CATSPERE: variants seen among roughly 807,000 people sequenced by gnomAD.
The protein encoded by CATSPERE is cation channel sperm-associated auxiliary subunit epsilon.
In CATSPERE, 93 loss-of-function variants were observed where a neutral mutation model predicts 114.1. That is an observed-to-expected ratio of 0.81 (90% CI 0.69 to 0.97). The LOEUF (loss-of-function observed/expected upper bound fraction) is 0.97. CATSPERE is among the 50% of genes least tolerant of loss of function. The probability of loss-of-function intolerance (pLI) is 0.00; values close to 1 mark genes in which losing one functional copy is unlikely to be tolerated. For synonymous variants in CATSPERE, 341 were observed against 384.1 expected, an observed-to-expected ratio of 0.89 and a Z score of 1.31; for missense variants, 1,058 against 1,131.6, an observed-to-expected ratio of 0.93 and a Z score of 0.93.
At chr1:244,510,792 A>G (rs1393318637) in intron 7 of CATSPERE, among the ~76,000 whole-genome samples, 3 of 132,944 alleles carry the variant, frequency 2.3e-5, no homozygotes, top group African/African-American at 8.3e-5. Flanking sequence ...GGGTGTGTTG[A>G]GTGCATATAA....
intron 8 of CATSPERE, among the ~76,000 whole-genome samples, chr1:244,522,692 G>A (rs1677795883): frequency 1.3e-5 from 2 of 152,136 alleles, no homozygotes; most frequent in Non-Finnish European, 2.9e-5. Flanking sequence ...TACCATCAGA[G>A]AATACTACAA....
At chr1:244,539,948 G>T (rs201173796) in intron 8 of CATSPERE, among the ~76,000 whole-genome samples, 1 of 113,680 alleles carries the variant, frequency 8.8e-6, no homozygotes, top group Non-Finnish European at 2.0e-5. Context: ...TAATTTTTTT[G>T]AATGGTTTTT....
intron 17 of CATSPERE, among the ~76,000 whole-genome samples, chr1:244,600,355 T>C (rs1473698488): frequency 1.2e-5 from 1 of 82,806 alleles, no homozygotes; most frequent in Admixed American, 1.6e-4. Context: ...AGCTACCTAG[T>C]CCAAAAAAAA....
intron 5 of CATSPERE, among the ~76,000 whole-genome samples, chr1:244,482,516 C>T (rs900489929): frequency 7.3e-5 from 11 of 151,628 alleles, no homozygotes; most frequent in Admixed American, 1.3e-4. Flanking sequence ...GTAGGAGGTT[C>T]GCTTGAGCCC....
In CATSPERE at chr1:244,575,857, G is replaced by A. The variant is rs186878830; in HGVS notation, c.1950+3085G>A. Among the ~76,000 whole-genome samples the A allele has an allele frequency of 5.6e-4, 85 of 151,832 alleles. 1 individual carries two copies. In the East Asian group the frequency reaches 0.013, roughly 23 times the overall value. ...ATTTTTCCTATTGCTGGAGGATTGT[G>A]TGAGGTTCAGTCTCTCCCTAATGGG... is the stretch of plus-strand genomic sequence containing the variant. On this transcript the variant is annotated intron_variant, in intron 11 of 21. Transcript: ENST00000366534. This position sits in a 1 kb window ranked among gnomAD's most constrained non-coding sequence, Gnocchi z 4.5.
Position 244,514,034 on chromosome 1 carries a change from A to G in CATSPERE, c.430-4558A>G, listed in dbSNP as rs566878684. On this transcript the variant is annotated intron_variant, in intron 7 of 21. Transcript: ENST00000366534. Reference sequence around the variant, plus strand: ...ATGTGATTTGAAACTATTTTCTTCTATCCTGTGGATTATCTTTTTATTCTG... The same window carrying G: ...ATGTGATTTGAAACTATTTTCTTCTGTCCTGTGGATTATCTTTTTATTCTG... Among the ~76,000 whole-genome samples, 4 of 152,286 alleles carry G rather than the reference A, an allele frequency of 2.6e-5. No homozygotes were observed. The South Asian group carries it at 8.3e-4, about 32-fold the overall frequency.
intron 5 of CATSPERE, among the ~76,000 whole-genome samples, chr1:244,483,726 T>C (rs1288434259): frequency 6.6e-6 from 1 of 152,174 alleles, no homozygotes; most frequent in African/African-American, 2.4e-5. Context: ...TTATCACTTA[T>C]ATATGTATTG....
rs532293640 is a variant in CATSPERE, at chr1:244,480,765, A to C, written c.326+981A>C. Among the ~76,000 whole-genome samples, 5 of 152,282 alleles carry C rather than the reference A, an allele frequency of 3.3e-5. No individual in the cohort carries two copies. The South Asian group carries it at 1.0e-3, about 32-fold the overall frequency. ...GTCCTAATAATACCGAGGTTTCAGC[A>C]AGCCCCACCAGGAGTACACATTAAC... On this transcript the variant is annotated intron_variant, in intron 5 of 21. Transcript: ENST00000366534.
At chr1:244,582,323 T>C (rs1291961180) in intron 12 of CATSPERE, among the ~76,000 whole-genome samples, 1 of 152,136 alleles carries the variant, frequency 6.6e-6, no homozygotes, top group African/African-American at 2.4e-5. Flanking sequence ...GGCATTCCTA[T>C]GGCTATCATT....
chr1:244,609,358 C>CT (rs796211656), intron 18 of CATSPERE, among the ~76,000 whole-genome samples: 217 of 142,546 alleles, frequency 1.5e-3, no homozygotes, highest in South Asian at 1.8e-3. Context: ...TTATCACTTC[C>CT]TTTTTTTTTT....
At chr1:244,554,367 A>G (rs1380898800) in intron 9 of CATSPERE, among the ~76,000 whole-genome samples, 2 of 151,788 alleles carry the variant, frequency 1.3e-5, no homozygotes, top group Admixed American at 1.3e-4. Flanking sequence ...TATTTTTGTC[A>G]TTTTAATAAT....
At chr1:244,474,396 T>TA (rs1328916310) in intron 2 of CATSPERE, among the ~76,000 whole-genome samples, 2 of 152,156 alleles carry the variant, frequency 1.3e-5, no homozygotes, top group Non-Finnish European at 2.9e-5. Context: ...CCATATTTTT[T>TA]AGTCAATGAT....
At chr1:244,566,652 CTTTTTTTTTTTTTTTTTTTTTTTTTTT>C (rs59466928) in intron 10 of CATSPERE, among the ~76,000 whole-genome samples, 2 of 49,064 alleles carry the variant, frequency 4.1e-5, no homozygotes, top group Non-Finnish European at 1.4e-4. Context: ...GCAACCCCTG[CTTTTTTTTTTTTTTTTTTTTTTTTTTT>C]TTTTTTTTGC....
chr1:244,600,095 A>C (rs1668983159), intron 17 of CATSPERE, among the ~76,000 whole-genome samples: 1 of 152,064 alleles, frequency 6.6e-6, no homozygotes, highest in Non-Finnish European at 1.5e-5. Context: ...ACGTGACGGG[A>C]CTCCCTCCCG....
chr1:244,613,991 G>A (rs1038367346), intron 19 of CATSPERE, among the ~76,000 whole-genome samples: 6 of 152,106 alleles, frequency 3.9e-5, no homozygotes, highest in Admixed American at 1.3e-4. Flanking sequence ...CTGAGCTATC[G>A]TGCTCTGCCC....
chr1:244,570,866 C>T (rs1664329958), intron 10 of CATSPERE, among the ~76,000 whole-genome samples: 1 of 152,110 alleles, frequency 6.6e-6, no homozygotes, highest in Non-Finnish European at 1.5e-5. Flanking sequence ...GAGAATACAG[C>T]ATGTGCAAAG....
intron 8 of CATSPERE, among the ~76,000 whole-genome samples, chr1:244,548,173 CA>C (rs1181203530): frequency 3.9e-5 from 6 of 152,236 alleles, no homozygotes; most frequent in African/African-American, 1.2e-4. Flanking sequence ...GAAGATTTAA[CA>C]ATTAAATGGA....
intron 8 of CATSPERE, among the ~76,000 whole-genome samples, chr1:244,521,534 C>T (rs1252070565): frequency 6.6e-6 from 1 of 151,862 alleles, no homozygotes; most frequent in Non-Finnish European, 1.5e-5. Flanking sequence ...AAAAATAAAG[C>T]TTTATTTCAA....
intron 7 of CATSPERE, among the ~76,000 whole-genome samples, chr1:244,514,828 CAAAAAAAAAAA>C (rs371207477): frequency 2.4e-5 from 1 of 42,426 alleles, no homozygotes; most frequent in African/African-American, 9.0e-5. Flanking sequence ...GACTCCATCT[CAAAAAAAAAAA>C]AAAAAAAAAA....
Sources: allele counts gnomAD v4.1 joint callset (sites outside exome capture counted in the v4.1 genomes callset), GRCh38; gene constraint gnomAD v4.1.1; non-coding constraint Gnocchi (gnomAD v3.1); transcripts MANE v1.5; gene names NCBI Gene and HGNC (gene_info 2026-07-23, HGNC 2026-07-21).